Variants in ZNF284 observed in about 807,000 individuals in gnomAD.
The protein encoded by ZNF284 is zinc finger protein 284.
Under a neutral mutation model 12.9 loss-of-function variants are expected in ZNF284, and 12 were observed. That is an observed-to-expected ratio of 0.93 (90% CI 0.60 to 1.51). ZNF284 has a LOEUF of 1.51. Among genes scored for constraint, ZNF284 ranks in the 40% most tolerant of loss-of-function variants. The pLI, the probability that ZNF284 is intolerant of heterozygous loss-of-function variation, is 0.00. For missense variants in ZNF284, 667 were observed against 707.3 expected (o/e 0.94, Z 0.65); for synonymous variants, 225 against 236.5 (o/e 0.95, Z 0.45).
At chr19:44,079,709 A>G (rs540755604) in intron 2 of ZNF284, among the ~76,000 whole-genome samples, 10 of 151,496 alleles carry the variant, frequency 6.6e-5, no homozygotes, top group Non-Finnish European at 1.2e-4. Flanking sequence ...TCCATCTCAA[A>G]AAAAACAAAA....
At position 44,087,175 on chromosome 19, in the gene ZNF284, C is replaced by A. The variant is rs1967273858; in HGVS notation, c.1697C>A (p.Thr566Lys). ...DQQSDHSGEK[T>K]SKCEDCGKRY... is the part of the protein sequence containing the mutation. Reference sequence around the variant, plus strand: ...CAAAGCGACCACAGTGGAGAAAAAACATCCAAATGTGAGGACTGTGGGAAG... The same window carrying A: ...CAAAGCGACCACAGTGGAGAAAAAAAATCCAAATGTGAGGACTGTGGGAAG... Residue 566 changes from threonine (T) to lysine (K), a missense_variant, in exon 5 of 5, where the codon ACA (threonine) becomes AAA (lysine). By Grantham distance (78) the Thr-to-Lys change is moderately conservative (BLOSUM62 -1). Transcript: ENST00000421176. 1 of 1,613,938 alleles carries A rather than the reference C, an allele frequency of 6.2e-7. No individual in the cohort carries two copies. Among genetic ancestry groups the A allele is most frequent in the African/African-American group, 1.3e-5 (1 of 75,042 alleles).
intron 2 of ZNF284, among the ~76,000 whole-genome samples, chr19:44,076,905 C>A (rs1282113977): frequency 6.6e-6 from 1 of 151,614 alleles, no homozygotes; most frequent in Non-Finnish European, 1.5e-5. Context: ...CTGCAACCTC[C>A]GCCTCCCGGG....
At chr19:44,072,748 G>T (rs1275319761) in intron 1 of ZNF284, among the ~76,000 whole-genome samples, 1 of 152,244 alleles carries the variant, frequency 6.6e-6, no homozygotes, top group South Asian at 2.1e-4. Flanking sequence ...CCTGCAGGAC[G>T]CTGGGTGATC....
chr19:44,085,154 C>T (rs1020209855), intron 4 of ZNF284: 1 of 152,112 alleles, frequency 6.6e-6, no homozygotes, highest in Non-Finnish European at 1.5e-5. Context: ...TCCAGTGATC[C>T]CTCTTAGATG....
chr19:44,085,659 AAACACTG>A, intron 4 of ZNF284, 48 bp from the exon 5 acceptor site: 1 of 1,459,394 alleles, frequency 6.9e-7, no homozygotes, highest in South Asian at 1.3e-5. Flanking sequence ...GAAATCCTGA[AAACACTG>A]AACAAAGGTT....
In ZNF284 at chr19:44,086,819, G is replaced by A. The variant is rs376081140; in HGVS notation, c.1341G>A (p.Arg447=). ...ISKFNLDLHQ[R]VHTGERPYNC... ...AGTTTAATCTTGACTTGCACCAGAG[G>A]GTCCACACGGGAGAGAGACCTTATA... The change falls in exon 5 of 5, where the codon AGG becomes AGA. Residue 447 remains arginine (R), a synonymous_variant. Coordinates refer to ENST00000421176, the MANE Select transcript of ZNF284 (RefSeq NM_001037813.4). The A allele has an allele frequency of 6.9e-5, 112 of 1,613,982 alleles. No homozygotes were observed. Among genetic ancestry groups the A allele is most frequent in the Non-Finnish European group, 9.0e-5 (106 of 1,180,028 alleles).
intron 1 of ZNF284, among the ~76,000 whole-genome samples, chr19:44,073,569 A>G (rs945518112): frequency 2.0e-5 from 3 of 148,866 alleles, no homozygotes; most frequent in African/African-American, 7.5e-5. Context: ...TTTGAGACAG[A>G]GTCTCACTGT....
rs529027295 is a variant in ZNF284, at chr19:44,087,359, C to A, written c.*99C>A. ...TTAGCATATCCATCACCTCCTTTAT[C>A]ATTTATTTGTGGATCATTTATCATT... On this transcript the variant is annotated 3_prime_UTR_variant, in exon 5 of 5. Transcript: ENST00000421176. The A allele has an allele frequency of 1.1e-5, 10 of 922,622 alleles. No homozygotes were observed. The South Asian group carries it at 2.5e-4, about 23-fold the overall frequency. The allele number at this position is 922,622 out of a possible 1,614,324, so 57.2% of individuals were successfully genotyped here. A position where few individuals can be genotyped will look rare whatever the true frequency, so the allele number is the denominator to read the frequency against.
chr19:44,079,412 G>A (rs1214800683), intron 2 of ZNF284, among the ~76,000 whole-genome samples: 1 of 152,040 alleles, frequency 6.6e-6, no homozygotes, highest in African/African-American at 2.4e-5. Context: ...TGACCAACAT[G>A]GAGAAACCCC....
intron 1 of ZNF284, among the ~76,000 whole-genome samples, chr19:44,073,351 A>G (rs1042123822): frequency 6.6e-6 from 1 of 152,208 alleles, no homozygotes; most frequent in African/African-American, 2.4e-5. Flanking sequence ...AGCAAGGCTT[A>G]TGGGCTTGGA....
chr19:44,078,414 C>T (rs748347823), intron 2 of ZNF284, among the ~76,000 whole-genome samples: 3 of 152,166 alleles, frequency 2.0e-5, no homozygotes, highest in Non-Finnish European at 4.4e-5. Flanking sequence ...CAATTTTAAA[C>T]ATTCTTATTT....
chr19:44,083,484 G>GT (rs1967165704), intron 4 of ZNF284, among the ~76,000 whole-genome samples: 1 of 76,948 alleles, frequency 1.3e-5, no homozygotes. Flanking sequence ...TAGAGAGAGA[G>GT]AGAGAGAGAG....
In ZNF284 at chr19:44,082,114, C is replaced by G; in HGVS notation, c.235+9C>G. On this transcript the variant is annotated intron_variant, in intron 4 of 4. Transcript: ENST00000421176. ...AAGAGAAGGGAATTCAGGTAAGAAC[C>G]AAGCAACGATGCATCCTTGTACGTG... The G allele has an allele frequency of 6.2e-7, 1 of 1,606,298 alleles. No homozygotes were observed.
chr19:44,086,648 G>GC lies in ZNF284; in HGVS notation c.1171dup (p.Arg391ProfsTer32). The GC allele has an allele frequency of 6.2e-7, 1 of 1,614,172 alleles. No homozygotes were observed. The highest frequency in any genetic ancestry group is 1.1e-5 in the South Asian group (1 of 91,084). Reference sequence around the variant, plus strand: ...GGTCCTCATGTCTTTCAAGACATCAGCGGGTCCACAATGGAGAAACAACAT... The same window carrying GC: ...GGTCCTCATGTCTTTCAAGACATCAGCCGGGTCCACAATGGAGAAACAACAT... On this transcript the variant is annotated frameshift_variant, in exon 5 of 5. Transcript: ENST00000421176. LOFTEE classifies it low-confidence loss of function (END_TRUNC).
chr19:44,087,901 C>A lies in ZNF284; in HGVS notation c.*641C>A. 6.6e-6 allele frequency: 1 copy of A among 151,460 alleles called. No individual in the cohort carries two copies. The highest frequency in any genetic ancestry group is 1.5e-5 in the Non-Finnish European group (1 of 68,110). The allele number at this position is 151,460 out of a possible 1,614,324, so 9.4% of individuals were successfully genotyped here. A position where few individuals can be genotyped will look rare whatever the true frequency, so the allele number is the denominator to read the frequency against. On this transcript the variant is annotated 3_prime_UTR_variant, in exon 5 of 5. Transcript: ENST00000421176. The stretch of plus-strand genomic sequence containing the variant: ...TTCCCTGCCTTGGCCTCCCGAGTAG[C>A]TGGGACTACAGGCGCCCGCCACCAC...
At chr19:44,072,710 G>A (rs7252213) in intron 1 of ZNF284, among the ~76,000 whole-genome samples, 129,400 of 152,242 alleles carry the variant, frequency 0.85, 55,410 homozygotes, top group African/African-American at 0.88. Context: ...AGCTCCATCT[G>A]CAGGGATCCC....
At position 44,088,782 on chromosome 19, in the gene ZNF284, A is replaced by G. The variant is rs62115524; in HGVS notation, c.*1522A>G. 0.64 allele frequency: 97,081 copies of G among 151,286 alleles called. 34,733 individuals carry two copies. The highest frequency in any genetic ancestry group is 0.83 in the Non-Finnish European group (56,191 of 67,966). The allele number at this position is 151,286 out of a possible 1,614,324, so 9.4% of individuals were successfully genotyped here. On this transcript the variant is annotated 3_prime_UTR_variant, in exon 5 of 5. Transcript: ENST00000421176. ...CCGAAAAGTATTTCAAACTGGTTGT[A>G]CCACTATAAACTCTGACCATTATTA...
intron 2 of ZNF284, among the ~76,000 whole-genome samples, chr19:44,080,755 A>C (rs1463106203): frequency 6.6e-6 from 1 of 152,240 alleles, no homozygotes; most frequent in African/African-American, 2.4e-5. Context: ...TTAGAGTCCT[A>C]GAGGGTTACT....
intron 2 of ZNF284, among the ~76,000 whole-genome samples, chr19:44,078,140 G>T (rs921999388): frequency 1.3e-5 from 2 of 151,972 alleles, no homozygotes; most frequent in Non-Finnish European, 2.9e-5. Context: ...AAAATTCAAA[G>T]GAATATGAAT....
Sources: allele counts gnomAD v4.1 joint callset (sites outside exome capture counted in the v4.1 genomes callset), GRCh38; gene constraint gnomAD v4.1.1; transcripts MANE v1.5; gene names NCBI Gene and HGNC (gene_info 2026-07-23, HGNC 2026-07-21).